The following NIM1K variants were observed in gnomAD, a reference collection of about 807,000 sequenced individuals.
NIM1K encodes NIM1 serine/threonine protein kinase.
NIM1K carries 35 observed loss-of-function variants against 37.1 expected under a neutral mutation model. That is an observed-to-expected ratio of 0.94 (90% confidence interval 0.72 to 1.25). The LOEUF (loss-of-function observed/expected upper bound fraction) is 1.25. Among genes scored for constraint, NIM1K ranks in the 50% most tolerant of loss-of-function variants. The probability of loss-of-function intolerance (pLI) is 0.00; values close to 1 mark genes in which losing one functional copy is unlikely to be tolerated. For synonymous variants in NIM1K, 234 were observed against 206.6 expected, an observed-to-expected ratio of 1.13 and a Z score of -1.14; for missense variants, 564 against 548.0, an observed-to-expected ratio of 1.03 and a Z score of -0.29.
intron 1 of NIM1K, among the ~76,000 whole-genome samples, chr5:43,237,224 G>T (rs1470316487): frequency 1.3e-5 from 2 of 152,200 alleles, no homozygotes; most frequent in East Asian, 1.9e-4. Flanking sequence ...AACTCAGAGA[G>T]AACAAAGGTG....
chr5:43,259,855 TTATC>T (rs761389390), intron 2 of NIM1K, among the ~76,000 whole-genome samples: 5 of 152,254 alleles, frequency 3.3e-5, no homozygotes, highest in Non-Finnish European at 7.4e-5. Context: ...CACAAATTCT[TTATC>T]TAAGTCAATG....
At chr5:43,210,292 C>T (rs561089485) in intron 1 of NIM1K, among the ~76,000 whole-genome samples, 4 of 152,274 alleles carry the variant, frequency 2.6e-5, no homozygotes, top group Non-Finnish European at 4.4e-5. Context: ...TAAAATTAAT[C>T]TCTTGTAAAA....
Position 43,245,276 on chromosome 5 carries a change from A to G in NIM1K, c.-500A>G, listed in dbSNP as rs1752759685. The G allele has an allele frequency of 6.6e-6, 1 of 152,452 alleles. No individual in the cohort carries two copies. The highest frequency in any genetic ancestry group is 2.1e-4 in the South Asian group (1 of 4,830). 9.4% of individuals were successfully genotyped at this position (152,452 alleles called of 1,614,324 possible). A position where few individuals can be genotyped will look rare whatever the true frequency, so the allele number is the denominator to read the frequency against. On this transcript the variant is annotated 5_prime_UTR_variant, in exon 2 of 4. Coordinates refer to ENST00000326035, the MANE Select transcript of NIM1K (RefSeq NM_153361.4). ...CAGCGCCCTGCAGCTTGACAGAAAG[A>G]GAAGCATGAAATGAAGGTCAGAGAT...
At chr5:43,234,008 C>T (rs948873264) in intron 1 of NIM1K, among the ~76,000 whole-genome samples, 19 of 152,140 alleles carry the variant, frequency 1.2e-4, no homozygotes, top group Admixed American at 1.1e-3. Flanking sequence ...TGCAGAAACT[C>T]GGGTTTCTAT....
At chr5:43,198,191 CTTT>C (rs1751953319) in intron 1 of NIM1K, among the ~76,000 whole-genome samples, 1 of 57,954 alleles carries the variant, frequency 1.7e-5, no homozygotes, top group Non-Finnish European at 3.5e-5. Context: ...TTCTTTCTTT[CTTT>C]CTTTCTTTCT....
intron 2 of NIM1K, among the ~76,000 whole-genome samples, chr5:43,246,446 C>A (rs892161575): frequency 2.0e-5 from 3 of 151,976 alleles, no homozygotes; most frequent in Non-Finnish European, 4.4e-5. Context: ...GGCTTGGAAC[C>A]AAGCCACCTC....
intron 1 of NIM1K, among the ~76,000 whole-genome samples, chr5:43,234,499 C>T (rs1310688574): frequency 4.6e-5 from 7 of 152,236 alleles, no homozygotes; most frequent in African/African-American, 1.7e-4. Flanking sequence ...TTAATTTAAA[C>T]TCCCATTGGC....
chr5:43,224,437 C>A (rs1752424380), intron 1 of NIM1K, among the ~76,000 whole-genome samples: 1 of 148,102 alleles, frequency 6.8e-6, no homozygotes, highest in Non-Finnish European at 1.5e-5. Flanking sequence ...GCAAAAAACT[C>A]GTCTCAGAAA....
At chr5:43,263,606 G>T (rs1463768143) in intron 2 of NIM1K, among the ~76,000 whole-genome samples, 2 of 150,138 alleles carry the variant, frequency 1.3e-5, no homozygotes. Context: ...AGGGTTTTTG[G>T]TGTCTCCATC....
intron 1 of NIM1K, among the ~76,000 whole-genome samples, chr5:43,230,698 A>G (rs1234578281): frequency 6.6e-6 from 1 of 152,208 alleles, no homozygotes; most frequent in Non-Finnish European, 1.5e-5. Flanking sequence ...GGTGATTTTC[A>G]TGCAGGTTAA....
At chr5:43,201,788 G>T (rs1251342526) in intron 1 of NIM1K, among the ~76,000 whole-genome samples, 1 of 151,774 alleles carries the variant, frequency 6.6e-6, no homozygotes, top group Non-Finnish European at 1.5e-5. Flanking sequence ...GTGAAACCCC[G>T]TCTGTACTAA....
At chr5:43,239,462 A>G (rs1486363868) in intron 1 of NIM1K, among the ~76,000 whole-genome samples, 3 of 151,118 alleles carry the variant, frequency 2.0e-5, no homozygotes. Flanking sequence ...CTGGTCTCGA[A>G]CTCCTGACCT....
intron 1 of NIM1K, among the ~76,000 whole-genome samples, chr5:43,237,548 C>A (rs1427863618): frequency 6.6e-6 from 1 of 152,170 alleles, no homozygotes; most frequent in Non-Finnish European, 1.5e-5. Context: ...GGTATGTGAT[C>A]ACTTCCGTTA....
chr5:43,250,369 A>G (rs951600435), intron 2 of NIM1K, among the ~76,000 whole-genome samples: 4 of 152,224 alleles, frequency 2.6e-5, no homozygotes, highest in African/African-American at 9.7e-5. Flanking sequence ...ATTGGTTAAC[A>G]TTTGGATCAT....
At chr5:43,276,231 C>T (rs1024291295) in intron 2 of NIM1K, among the ~76,000 whole-genome samples, 7 of 152,212 alleles carry the variant, frequency 4.6e-5, no homozygotes, top group African/African-American at 1.4e-4. Flanking sequence ...GTTTTATTAG[C>T]TCATGATTCT....
chr5:43,276,797 A>AG (rs1400177161), intron 2 of NIM1K, among the ~76,000 whole-genome samples: 1 of 152,222 alleles, frequency 6.6e-6, no homozygotes, highest in African/African-American at 2.4e-5. Flanking sequence ...GGCTTAGCAA[A>AG]GGAGCTCTAG....
chr5:43,220,543 A>G (rs1752366483), intron 1 of NIM1K, among the ~76,000 whole-genome samples: 1 of 152,094 alleles, frequency 6.6e-6, no homozygotes, highest in South Asian at 2.1e-4. Context: ...GGCCTTCCAA[A>G]GTGCTGGGAT....
intron 1 of NIM1K, among the ~76,000 whole-genome samples, chr5:43,195,192 A>G (rs1210847948): frequency 6.6e-6 from 1 of 152,204 alleles, no homozygotes; most frequent in African/African-American, 2.4e-5. Context: ...AATTTTCAGG[A>G]GAAGAAGAAA....
At chr5:43,198,197 TTC>T (rs1325067947) in intron 1 of NIM1K, among the ~76,000 whole-genome samples, 3 of 57,020 alleles carry the variant, frequency 5.3e-5, no homozygotes, top group Non-Finnish European at 6.9e-5. Flanking sequence ...CTTTCTTTCT[TTC>T]TTTCTTTCTC....
Sources: allele counts gnomAD v4.1 joint callset (sites outside exome capture counted in the v4.1 genomes callset), GRCh38; gene constraint gnomAD v4.1.1; transcripts MANE v1.5; gene names NCBI Gene and HGNC (gene_info 2026-07-23, HGNC 2026-07-21).